STIM1: variants seen among roughly 807,000 people sequenced by gnomAD.
The protein encoded by STIM1 is stromal interaction molecule 1.
STIM1 carries 25 observed loss-of-function variants against 74.7 expected under a neutral mutation model. The ratio of observed to expected loss-of-function variants is 0.33; its 90% CI spans 0.24 to 0.47. The LOEUF is 0.47. STIM1 is among the 20% of genes least tolerant of loss of function. STIM1 has a pLI of 1.00. For missense variants in STIM1, 728 were observed against 920.8 expected (o/e 0.79, Z 2.71); for synonymous variants, 328 against 348.8 (o/e 0.94, Z 0.66).
intron 1 of STIM1, among the ~76,000 whole-genome samples, chr11:3,918,076 C>T (rs576200165): frequency 5.9e-5 from 9 of 152,234 alleles, no homozygotes; most frequent in Admixed American, 3.9e-4. Flanking sequence ...CAGCTAGACA[C>T]AGGGAGGTAA....
At chr11:3,915,730 TTTG>T (rs149901683) in intron 1 of STIM1, among the ~76,000 whole-genome samples, 9,162 of 152,044 alleles carry the variant, frequency 0.06, 804 homozygotes, top group African/African-American at 0.2. Context: ...TAATTTATCT[TTTG>T]TTGTTGTTGT....
chr11:3,895,582 C>G (rs1157197110), intron 1 of STIM1, among the ~76,000 whole-genome samples: 1 of 143,482 alleles, frequency 7.0e-6, no homozygotes, highest in Non-Finnish European at 1.5e-5. Flanking sequence ...GCTCTGGGTT[C>G]CGGGAATAGT....
At chr11:3,872,081 C>A (rs1222149083) in intron 1 of STIM1, among the ~76,000 whole-genome samples, 1 of 152,114 alleles carries the variant, frequency 6.6e-6, no homozygotes, top group Non-Finnish European at 1.5e-5. Flanking sequence ...GAAACAGAGT[C>A]TACCTCTGTC....
chr11:3,997,277 A>G (rs561314471), intron 2 of STIM1, among the ~76,000 whole-genome samples: 7 of 152,320 alleles, frequency 4.6e-5, no homozygotes, highest in Non-Finnish European at 8.8e-5. Flanking sequence ...AAAAAGGAGT[A>G]AAAGGAAAGG....
At chr11:4,050,483 T>C (rs1288322022) in intron 3 of STIM1, among the ~76,000 whole-genome samples, 2 of 152,234 alleles carry the variant, frequency 1.3e-5, no homozygotes, top group Non-Finnish European at 2.9e-5. Flanking sequence ...AAAAGACAGT[T>C]TATATCTTTT....
chr11:3,879,609 A>G (rs887323856), intron 1 of STIM1, among the ~76,000 whole-genome samples: 1 of 152,104 alleles, frequency 6.6e-6, no homozygotes, highest in Non-Finnish European at 1.5e-5. Context: ...ACAGGAGGGG[A>G]TTGTTATCTC....
At chr11:3,895,721 T>C (rs1312370242) in intron 1 of STIM1, among the ~76,000 whole-genome samples, 4 of 38,776 alleles carry the variant, frequency 1.0e-4, no homozygotes, top group Non-Finnish European at 1.8e-4. Context: ...TTTCTTTCTT[T>C]CTTTCTTTCT....
At chr11:3,929,947 C>T (rs1490950439) in intron 1 of STIM1, among the ~76,000 whole-genome samples, 1 of 152,150 alleles carries the variant, frequency 6.6e-6, no homozygotes. Context: ...TTCCAGCAGC[C>T]TGCTTGCTGG....
intron 2 of STIM1, among the ~76,000 whole-genome samples, chr11:4,004,997 G>C (rs1040175147): frequency 1.2e-4 from 18 of 152,150 alleles, no homozygotes; most frequent in Non-Finnish European, 2.4e-4. Context: ...CATCATCACT[G>C]GTCATCAGAG....
intron 1 of STIM1, among the ~76,000 whole-genome samples, chr11:3,945,492 G>A (rs1839910): frequency 0.34 from 52,191 of 151,920 alleles, 9,182 homozygotes; most frequent in South Asian, 0.48. Flanking sequence ...CCAGCTACTC[G>A]GGAGGCTGAG....
intron 3 of STIM1, among the ~76,000 whole-genome samples, chr11:4,046,902 C>T (rs1356055060): frequency 6.6e-6 from 1 of 152,166 alleles, no homozygotes; most frequent in Admixed American, 6.5e-5. Context: ...ATCCTCCTGC[C>T]TCAGCCTCCC....
rs187179446 is a variant in STIM1 at position 3,865,473 on chromosome 11, A to G, written c.139+9064A>G. On this transcript the variant is annotated intron_variant, in intron 1 of 12. Coordinates refer to ENST00000526596, the MANE Select transcript of STIM1 (RefSeq NM_001382567.1). Reference sequence around the variant, plus strand: ...GTTCACCGAAATTGGTCTGGGTACAATTAGGGATATACAAAGTCAAATGTC... The same window carrying G: ...GTTCACCGAAATTGGTCTGGGTACAGTTAGGGATATACAAAGTCAAATGTC... Among the ~76,000 whole-genome samples the G allele has an allele frequency of 3.9e-5, 6 of 152,304 alleles. No individual in the cohort carries two copies. In the East Asian group the frequency reaches 5.8e-4, roughly 15 times the overall value.
chr11:3,981,252 C>G (rs180726896), intron 2 of STIM1, among the ~76,000 whole-genome samples: 18 of 152,266 alleles, frequency 1.2e-4, no homozygotes, highest in Admixed American at 8.5e-4. Context: ...TGTTTGTTCT[C>G]CTACAGTGGG....
At chr11:4,005,724 T>TATA (rs1429831597) in intron 2 of STIM1, among the ~76,000 whole-genome samples, 2 of 152,016 alleles carry the variant, frequency 1.3e-5, no homozygotes, top group Non-Finnish European at 2.9e-5. Context: ...AAACTTAAAG[T>TATA]ATAATAATAA....
chr11:4,027,377 T>A (rs1304505857), intron 3 of STIM1, among the ~76,000 whole-genome samples: 1 of 152,050 alleles, frequency 6.6e-6, no homozygotes, highest in African/African-American at 2.4e-5. Context: ...AGTGGCGCAA[T>A]CTCAGCTCAC....
chr11:3,910,552 C>A (rs761953122), intron 1 of STIM1, among the ~76,000 whole-genome samples: 1 of 152,022 alleles, frequency 6.6e-6, no homozygotes, highest in Non-Finnish European at 1.5e-5. Flanking sequence ...ACATACGACA[C>A]CCTGTCTCTT....
chr11:4,024,032 G>C, intron 3 of STIM1, 45 bp downstream of exon 3: 1 of 1,534,030 alleles, frequency 6.5e-7, no homozygotes, highest in Non-Finnish European at 9.0e-7. Context: ...GGAAGGTTTA[G>C]AGAAGAGAGA....
At chr11:3,975,238 A>G (rs544116572) in intron 2 of STIM1, among the ~76,000 whole-genome samples, 60 of 152,360 alleles carry the variant, frequency 3.9e-4, no homozygotes, top group South Asian at 8.3e-4. Flanking sequence ...GATTCCTACC[A>G]TTGCAGCGTT....
intron 2 of STIM1, among the ~76,000 whole-genome samples, chr11:3,991,955 A>G (rs1194119012): frequency 8.8e-6 from 1 of 114,090 alleles, no homozygotes; most frequent in East Asian, 2.4e-4. Context: ...CATCTCAAAA[A>G]AAAAAAAAAA....
Sources: gnomAD v4.1 joint callset for allele counts (sites outside exome capture counted in the v4.1 genomes callset) on GRCh38, gnomAD v4.1.1 for gene constraint, MANE v1.5 for transcripts, NCBI Gene and HGNC (gene_info 2026-07-23, HGNC 2026-07-21) for gene names.